CPQ: variants seen among roughly 807,000 people sequenced by gnomAD.
CPQ encodes Ser-Met dipeptidase.
A neutral mutation model predicts 45.7 loss-of-function variants in CPQ; 37 were observed. The ratio of observed to expected loss-of-function variants is 0.81; its 90% CI spans 0.62 to 1.07. The LOEUF is 1.07. CPQ is among the 50% of genes least tolerant of loss of function. The probability of loss-of-function intolerance (pLI) is 0.00; values close to 1 mark genes in which losing one functional copy is unlikely to be tolerated. For synonymous variants in CPQ, 186 were observed against 205.8 expected, an observed-to-expected ratio of 0.90 and a Z score of 0.82; for missense variants, 537 against 572.9, an observed-to-expected ratio of 0.94 and a Z score of 0.64.
chr8:96,749,863 T>G (rs1810236273), intron 1 of CPQ, among the ~76,000 whole-genome samples: 1 of 152,102 alleles, frequency 6.6e-6, no homozygotes, highest in Admixed American at 6.6e-5. Flanking sequence ...TTCTAAGAAT[T>G]TTTCCTAATG....
At chr8:96,982,949 C>T (rs1180836515) in intron 5 of CPQ, among the ~76,000 whole-genome samples, 4 of 152,156 alleles carry the variant, frequency 2.6e-5, no homozygotes, top group Non-Finnish European at 5.9e-5. Context: ...TGAAAAATAA[C>T]ATTGAATATC....
chr8:96,921,032 C>T (rs973616949), intron 4 of CPQ, among the ~76,000 whole-genome samples: 1 of 152,170 alleles, frequency 6.6e-6, no homozygotes, highest in Non-Finnish European at 1.5e-5. Flanking sequence ...ACTTATCACA[C>T]ACGCCATTTG....
intron 1 of CPQ, among the ~76,000 whole-genome samples, chr8:96,690,662 G>A (rs925241163): frequency 6.6e-6 from 1 of 152,258 alleles, no homozygotes; most frequent in East Asian, 1.9e-4. Flanking sequence ...TTGCAACTCC[G>A]TTTGAGCTGT....
rs139235129 is a variant in CPQ at position 96,677,862 on chromosome 8, G to A, written c.-35+32460G>A. On this transcript the variant is annotated intron_variant, in intron 1 of 7. Transcript: ENST00000220763. ...GATTTTTATATAATGTGAGAAATGA[G>A]GATCCAGTTTCATTCTTCTACATGT... Among the ~76,000 whole-genome samples, 387 of 152,186 alleles carry A rather than the reference G, an allele frequency of 2.5e-3. 4 individuals are homozygous for A. Among genetic ancestry groups the A allele is most frequent in the African/African-American group, 9.0e-3 (374 of 41,550 alleles).
chr8:97,123,179 T>A (rs187281569), intron 7 of CPQ, among the ~76,000 whole-genome samples: 591 of 24,866 alleles, frequency 0.024, 30 homozygotes, highest in African/African-American at 0.071. Context: ...AAATAAAATA[T>A]AAAATAAAAT....
chr8:96,738,492 G>T (rs562505481), intron 1 of CPQ, among the ~76,000 whole-genome samples: 86 of 149,458 alleles, frequency 5.8e-4, no homozygotes, highest in Middle Eastern at 3.5e-3. Context: ...TAAGTTTTAG[G>T]GTACATGTGC....
At chr8:96,835,213 A>G (rs375578472) in intron 3 of CPQ, 33 bp downstream of exon 3, 202 of 1,397,316 alleles carry the variant, frequency 1.4e-4, no homozygotes, top group Non-Finnish European at 1.8e-4. Flanking sequence ...ATTCCTTTCA[A>G]AAACAAGGGT....
chr8:96,756,251 T>C (rs1389622597), intron 1 of CPQ, among the ~76,000 whole-genome samples: 2 of 152,114 alleles, frequency 1.3e-5, no homozygotes, highest in Non-Finnish European at 2.9e-5. Flanking sequence ...TTCAACTTCT[T>C]GATTCATCAA....
At chr8:96,799,624 A>C (rs999477932) in intron 2 of CPQ, among the ~76,000 whole-genome samples, 4 of 152,186 alleles carry the variant, frequency 2.6e-5, no homozygotes, top group African/African-American at 9.7e-5. Context: ...TCTCTGTATC[A>C]AATTAGGGAT....
At chr8:97,040,458 C>A (rs1465799257) in intron 6 of CPQ, among the ~76,000 whole-genome samples, 10 of 151,874 alleles carry the variant, frequency 6.6e-5, no homozygotes, top group Non-Finnish European at 1.0e-4. Flanking sequence ...ATGGTAGTTT[C>A]TTTTGCTGTG....
chr8:96,999,999 C>A (rs1563550394), intron 5 of CPQ, among the ~76,000 whole-genome samples: 1 of 143,054 alleles, frequency 7.0e-6, no homozygotes, highest in Non-Finnish European at 1.5e-5. Flanking sequence ...TGCTGCTGAG[C>A]TTTTTTTTTT....
chr8:97,140,771 G>T (rs1037592746), intron 7 of CPQ, among the ~76,000 whole-genome samples: 8 of 152,012 alleles, frequency 5.3e-5, no homozygotes, highest in African/African-American at 1.9e-4. Context: ...GAAGAAGGAA[G>T]AGAAAGTGAG....
At chr8:96,702,478 A>C in intron 1 of CPQ, among the ~76,000 whole-genome samples, 1 of 152,320 alleles carries the variant, frequency 6.6e-6, no homozygotes, top group East Asian at 1.9e-4. Context: ...TTTTACTGAA[A>C]GTTTAAGATA....
At chr8:97,001,646 T>A (rs888395095) in intron 5 of CPQ, among the ~76,000 whole-genome samples, 5 of 151,952 alleles carry the variant, frequency 3.3e-5, no homozygotes, top group Non-Finnish European at 7.4e-5. Context: ...TTCAGTTTGA[T>A]AGTCTTTTGT....
At chr8:97,084,654 T>A (rs1160791832) in intron 7 of CPQ, among the ~76,000 whole-genome samples, 7 of 152,250 alleles carry the variant, frequency 4.6e-5, no homozygotes, top group Admixed American at 2.6e-4. Flanking sequence ...TGTCTCCCTA[T>A]GCCTTGGTTC....
intron 5 of CPQ, among the ~76,000 whole-genome samples, chr8:97,015,460 TC>T (rs1809562803): frequency 6.6e-6 from 1 of 151,088 alleles, no homozygotes; most frequent in South Asian, 2.1e-4. Flanking sequence ...TTGCCAGGCA[TC>T]GGATATAAAC....
chr8:97,132,908 G>T (rs1300975217), intron 7 of CPQ: 2 of 152,114 alleles, frequency 1.3e-5, no homozygotes, highest in African/African-American at 4.8e-5. Flanking sequence ...AGACAAAGGT[G>T]AACACAATAA....
chr8:96,660,384 C>G (rs1459734070), intron 1 of CPQ, among the ~76,000 whole-genome samples: 1 of 152,160 alleles, frequency 6.6e-6, no homozygotes, highest in Non-Finnish European at 1.5e-5. Context: ...TCTCATTTTA[C>G]CTTAACACCT....
chr8:96,809,384 A>T lies in CPQ; in HGVS notation c.433+24054A>T, dbSNP rs181236755. Among the ~76,000 whole-genome samples the T allele has an allele frequency of 1.4e-3, 216 of 152,304 alleles. 4 individuals carry two copies. The highest frequency in any genetic ancestry group is 0.011 in the Admixed American group (169 of 15,286). On this transcript the variant is annotated intron_variant, in intron 2 of 7. Transcript: ENST00000220763. ...TGAGTAAACATGCTGTGATGCCTCC[A>T]TACAATGGAACACTACCCAGCAATA...
Sources: allele counts gnomAD v4.1 joint callset (sites outside exome capture counted in the v4.1 genomes callset), GRCh38; gene constraint gnomAD v4.1.1; transcripts MANE v1.5; gene names NCBI Gene and HGNC (gene_info 2026-07-23, HGNC 2026-07-21).